Variants in SENP6 observed in about 807,000 individuals in gnomAD.
The protein encoded by SENP6 is SUMO specific peptidase 6, also known as sentrin-specific protease 6.
In SENP6, 41 loss-of-function variants were observed where a neutral mutation model predicts 134.5. The observed-to-expected ratio is 0.30, with a 90% CI of 0.24 to 0.40. SENP6 has a LOEUF of 0.40. SENP6 is among the 10% of genes least tolerant of loss of function. The pLI, the probability that SENP6 is intolerant of heterozygous loss-of-function variation, is 1.00. For missense variants in SENP6, 1,248 were observed against 1,312.5 expected, an observed-to-expected ratio of 0.95 and a Z score of 0.76; for synonymous variants, 395 against 429.8, an observed-to-expected ratio of 0.92 and a Z score of 1.00.
intron 5 of SENP6, chr6:75,635,039 A>G (rs755140468): frequency 3.4e-6 from 2 of 595,596 alleles, no homozygotes; most frequent in South Asian, 1.6e-5. Context: ...GTTGTATTGC[A>G]TTATAATCCA....
chr6:75,653,660 G>T (rs1329883614), intron 7 of SENP6, among the ~76,000 whole-genome samples: 15 of 146,074 alleles, frequency 1.0e-4, no homozygotes, highest in Admixed American at 6.8e-5. Flanking sequence ...GGAATGTTGT[G>T]TTTTTTTTTT....
intron 16 of SENP6, among the ~76,000 whole-genome samples, chr6:75,683,596 GT>G (rs1398725211): frequency 2.0e-5 from 3 of 152,170 alleles, no homozygotes; most frequent in Non-Finnish European, 4.4e-5. Context: ...AGGGGATCCA[GT>G]TTCAGCTTTC....
intron 1 of SENP6, among the ~76,000 whole-genome samples, chr6:75,615,432 G>A (rs1269696351): frequency 1.6e-4 from 24 of 152,060 alleles, no homozygotes; most frequent in African/African-American, 5.3e-4. Context: ...CACCCACCTC[G>A]CCCTCCCAAA....
chr6:75,640,760 A>AAT, intron 6 of SENP6, 56 bp downstream of exon 6: 4 of 1,099,190 alleles, frequency 3.6e-6, no homozygotes, highest in South Asian at 1.9e-5. Context: ...ATATAAAATT[A>AAT]TTTATATGTT....
chr6:75,623,473 G>A (rs778281329), intron 2 of SENP6, among the ~76,000 whole-genome samples: 13 of 152,066 alleles, frequency 8.5e-5, no homozygotes, highest in Non-Finnish European at 1.5e-4. Context: ...CTTTTCATTA[G>A]CTAAGGCTTT....
chr6:75,663,127 A>T, intron 8 of SENP6, 94 bp from the exon 9 acceptor site: 1 of 1,170,332 alleles, frequency 8.5e-7, no homozygotes, highest in Non-Finnish European at 1.2e-6. Flanking sequence ...TTCTTTTGGA[A>T]CTTAAAGTTT....
Position 75,602,419 on chromosome 6 carries a change from C to A in SENP6, c.-106C>A. 7.4e-7 allele frequency: 1 copy of A among 1,351,862 alleles called. No homozygotes were observed. Among genetic ancestry groups the A allele is most frequent in the Non-Finnish European group, 1.0e-6 (1 of 978,122 alleles). 83.7% of individuals were successfully genotyped at this position (1,351,862 alleles called of 1,614,324 possible). On this transcript the variant is annotated 5_prime_UTR_variant, in exon 1 of 24. Coordinates refer to ENST00000447266, the MANE Select transcript of SENP6 (RefSeq NM_015571.4). ...CCGCCTGACGGCTGAGCCCGAGGCCCGCAACCCTGCGGCGTCTACCCTCCT... is the reference window on the plus strand; with the variant it reads ...CCGCCTGACGGCTGAGCCCGAGGCCAGCAACCCTGCGGCGTCTACCCTCCT...
At position 75,704,617 on chromosome 6, in the gene SENP6, G is replaced by C. The variant is rs139071604; in HGVS notation, c.2716+1545G>C. Among the ~76,000 whole-genome samples, 1,611 of 152,310 alleles carry C rather than the reference G, an allele frequency of 0.011. 61 individuals are homozygous for C. In the East Asian group the frequency reaches 0.14, roughly 13 times the overall value. On this transcript the variant is annotated intron_variant, in intron 19 of 23. Transcript: ENST00000447266. ...GCCTTCCTCTATCTCAACTGCAAGAGGCTTTCCTCTTTCACTAATCCTTCT... is the reference window on the plus strand; with the variant it reads ...GCCTTCCTCTATCTCAACTGCAAGACGCTTTCCTCTTTCACTAATCCTTCT...
intron 19 of SENP6, among the ~76,000 whole-genome samples, chr6:75,706,077 G>C (rs946196723): frequency 4.0e-5 from 6 of 151,426 alleles, no homozygotes; most frequent in African/African-American, 1.2e-4. Context: ...TAGTAGCTGG[G>C]ATTACGGGTG....
chr6:75,653,250 C>T (rs1007568695), intron 7 of SENP6, among the ~76,000 whole-genome samples: 6 of 152,122 alleles, frequency 3.9e-5, no homozygotes, highest in African/African-American at 1.4e-4. Context: ...AGTCTGGTCT[C>T]GAACTCCCAA....
chr6:75,651,494 GCGC>G (rs1444083788), intron 7 of SENP6, among the ~76,000 whole-genome samples: 1 of 152,072 alleles, frequency 6.6e-6, no homozygotes, highest in Non-Finnish European at 1.5e-5. Flanking sequence ...GGGACTGCAG[GCGC>G]ATGCTGCCAC....
chr6:75,706,482 C>G lies in SENP6; in HGVS notation c.2717-3045C>G, dbSNP rs750388456. 4.6e-5 allele frequency among the ~76,000 whole-genome samples: 7 copies of G among 152,076 alleles called. No homozygotes were observed. The South Asian group carries it at 6.2e-4, about 14-fold the overall frequency. Reference sequence around the variant, plus strand: ...CCTAGGGTTTCATATACACAAACTCCAGAGATTTCTAGTGCCCTCACCTAC... The same window carrying G: ...CCTAGGGTTTCATATACACAAACTCGAGAGATTTCTAGTGCCCTCACCTAC... On this transcript the variant is annotated intron_variant, in intron 19 of 23. Coordinates refer to ENST00000447266, the MANE Select transcript of SENP6 (RefSeq NM_015571.4).
chr6:75,631,298 CAT>C (rs1769097744), intron 3 of SENP6, among the ~76,000 whole-genome samples: 1 of 152,114 alleles, frequency 6.6e-6, no homozygotes, highest in African/African-American at 2.4e-5. Context: ...TGGAAGATAA[CAT>C]TGATAATTTT....
At chr6:75,615,377 G>A (rs1050079757) in intron 1 of SENP6, among the ~76,000 whole-genome samples, 4 of 150,212 alleles carry the variant, frequency 2.7e-5, no homozygotes, top group African/African-American at 4.9e-5. Flanking sequence ...ACGGGGTTTC[G>A]CAGCATTGGC....
At chr6:75,700,549 C>T (rs368720464) in intron 18 of SENP6, among the ~76,000 whole-genome samples, 2 of 152,078 alleles carry the variant, frequency 1.3e-5, no homozygotes, top group Admixed American at 6.5e-5. Flanking sequence ...TGCAGTGGCA[C>T]CATCTCGGCT....
At chr6:75,680,364 T>C (rs966030204) in intron 16 of SENP6, among the ~76,000 whole-genome samples, 18 of 152,160 alleles carry the variant, frequency 1.2e-4, no homozygotes, top group African/African-American at 4.3e-4. Flanking sequence ...CAAATGGCGC[T>C]AGAGTTTGGT....
At chr6:75,618,151 G>A (rs1767999333) in intron 1 of SENP6, among the ~76,000 whole-genome samples, 1 of 152,104 alleles carries the variant, frequency 6.6e-6, no homozygotes, top group Non-Finnish European at 1.5e-5. Flanking sequence ...TTACCAAGTT[G>A]AGCCCATACT....
At chr6:75,689,286 T>A (rs943622395) in intron 16 of SENP6, among the ~76,000 whole-genome samples, 2 of 152,158 alleles carry the variant, frequency 1.3e-5, no homozygotes, top group Non-Finnish European at 2.9e-5. Context: ...ATCTCTTTTT[T>A]AAGTGATCCA....
chr6:75,708,177 T>C (rs989453231), intron 19 of SENP6, among the ~76,000 whole-genome samples: 2 of 152,166 alleles, frequency 1.3e-5, no homozygotes, highest in East Asian at 1.9e-4. Context: ...CTCCTGTCTC[T>C]CAGCCTCTCA....
Sources: allele counts gnomAD v4.1 joint callset (sites outside exome capture counted in the v4.1 genomes callset), GRCh38; gene constraint gnomAD v4.1.1; transcripts MANE v1.5; gene names NCBI Gene and HGNC (gene_info 2026-07-23, HGNC 2026-07-21).